The following CASS4 variants were observed in gnomAD, a reference collection of about 807,000 sequenced individuals.
CASS4 encodes Cas scaffold protein family member 4, also known as cas scaffolding protein family member 4.
Under a neutral mutation model 54.2 loss-of-function variants are expected in CASS4, and 22 were observed. The ratio of observed to expected loss-of-function variants is 0.41; its 90% CI spans 0.29 to 0.58. The LOEUF (loss-of-function observed/expected upper bound fraction) is 0.58, where lower values mean the gene tolerates loss of function less well. Among genes scored for constraint, CASS4 ranks in the 20% least tolerant of loss-of-function variants. CASS4 has a pLI of 0.36. For synonymous variants in CASS4, 409 were observed against 391.5 expected, an observed-to-expected ratio of 1.04 and a Z score of -0.53; for missense variants, 854 against 986.7, an observed-to-expected ratio of 0.87 and a Z score of 1.80.
At chr20:56,418,447 G>A (rs1358415345) in intron 1 of CASS4, among the ~76,000 whole-genome samples, 2 of 152,178 alleles carry the variant, frequency 1.3e-5, no homozygotes, top group African/African-American at 2.4e-5. Context: ...AATTGCAAAG[G>A]AAACCACCAG....
At position 56,452,484 on chromosome 20, in the gene CASS4, C is replaced by T. The variant is rs763814613; in HGVS notation, c.1308C>T (p.Asp436=). The T allele has an allele frequency of 1.9e-6, 3 of 1,613,644 alleles. No individual in the cohort carries two copies. In the African/African-American group the frequency reaches 4.0e-5, roughly 22 times the overall value. The change falls in exon 5 of 6, where the codon GAC becomes GAT. Residue 436 remains aspartate (D), a synonymous_variant. Transcript: ENST00000679887. ...AGTCAGCAAAGGAGCTCTCCTTGGA[C>T]CTGGATGTGGCCAAGGAGACAGTGA... ...SEESAKELSL[D]LDVAKETVMA...
chr20:56,421,448 G>C (rs997166437), intron 1 of CASS4, among the ~76,000 whole-genome samples: 1 of 152,190 alleles, frequency 6.6e-6, no homozygotes, highest in South Asian at 2.1e-4. Flanking sequence ...TGTAATCCCA[G>C]CACTTTGGGA....
chr20:56,449,427 G>C (rs951872685), intron 3 of CASS4, among the ~76,000 whole-genome samples: 1 of 151,264 alleles, frequency 6.6e-6, no homozygotes, highest in Non-Finnish European at 1.5e-5. Context: ...CTTGGACACA[G>C]GGTGGGGAAC....
intron 1 of CASS4, among the ~76,000 whole-genome samples, chr20:56,419,618 GT>G (rs1220746882): frequency 2.6e-5 from 4 of 151,776 alleles, no homozygotes; most frequent in East Asian, 1.9e-4. Flanking sequence ...GTAGAGGTGG[GT>G]TTTTTTTCAC....
chr20:56,427,073 A>G (rs754701454), intron 1 of CASS4, among the ~76,000 whole-genome samples: 18 of 150,348 alleles, frequency 1.2e-4, no homozygotes, highest in Non-Finnish European at 3.0e-5. Flanking sequence ...AGGCAGGAGG[A>G]TTGCTTAAGA....
chr20:56,460,334 A>G lies in CASS4; in HGVS notation c.*1587A>G, dbSNP rs878876339. Reference sequence around the variant, plus strand: ...GTAGACAGTAATGGCAAAAACCACAATTGCTTTTGCACCACCCTAATAATA... The same window carrying G: ...GTAGACAGTAATGGCAAAAACCACAGTTGCTTTTGCACCACCCTAATAATA... On this transcript the variant is annotated 3_prime_UTR_variant, in exon 6 of 6. Transcript: ENST00000679887. The G allele has an allele frequency of 6.6e-6, 1 of 152,004 alleles. No homozygotes were observed. Among genetic ancestry groups the G allele is most frequent in the Non-Finnish European group, 1.5e-5 (1 of 67,896 alleles). 9.4% of individuals were successfully genotyped at this position (152,004 alleles called of 1,614,324 possible).
intron 2 of CASS4, among the ~76,000 whole-genome samples, chr20:56,438,288 CAAA>C (rs11475169): frequency 2.8e-5 from 4 of 144,388 alleles, no homozygotes; most frequent in Non-Finnish European, 6.1e-5. Context: ...AACCTGTTTT[CAAA>C]AAAAAAAAAA....
At position 56,429,515 on chromosome 20, in the gene CASS4, C is replaced by T. The variant is rs145633216; in HGVS notation, c.37-7649C>T. On this transcript the variant is annotated intron_variant, in intron 1 of 5. Transcript: ENST00000679887. ...CCAGTAACCACCTATAAACAGCATC[C>T]GCTATGGAAATTAGGAGCCAGGGCC... 3.0e-3 allele frequency among the ~76,000 whole-genome samples: 459 copies of T among 152,268 alleles called. 3 individuals are homozygous for T. The highest frequency in any genetic ancestry group is 0.011 in the African/African-American group (437 of 41,532).
At chr20:56,419,538 C>T (rs1979314037) in intron 1 of CASS4, among the ~76,000 whole-genome samples, 1 of 152,074 alleles carries the variant, frequency 6.6e-6, no homozygotes. Context: ...GTGATCCTCC[C>T]ACCTCAGCCT....
upstream of CASS4, chr20:56,412,190 A>T (rs1292196784): frequency 4.1e-6 from 2 of 490,080 alleles, no homozygotes; most frequent in Admixed American, 7.2e-5. The surrounding 1 kb of genome is among the most constrained non-coding windows in gnomAD (Gnocchi z 4.2). Flanking sequence ...ACTTACAGAC[A>T]AAGTGAGACG....
rs140144032 is a variant in CASS4, at chr20:56,452,354, C to T, written c.1178C>T (p.Pro393Leu). The T allele has an allele frequency of 3.7e-6, 6 of 1,613,972 alleles. No homozygotes were observed. In the East Asian group the frequency reaches 1.3e-4, roughly 36 times the overall value. The change falls in exon 5 of 6, where the codon CCT becomes CTT. Residue 393 changes from proline (P) to leucine (L), a missense_variant. Pro to Leu is a moderately conservative substitution (Grantham distance 98, BLOSUM62 -3). Coordinates refer to ENST00000679887, the MANE Select transcript of CASS4 (RefSeq NM_020356.4). ...WFSRRTTSPS[P>L]EPDRLSGSSS... The stretch of plus-strand genomic sequence containing the variant: ...TCCAGACGGACAACTTCCCCATCTC[C>T]TGAACCGGACAGATTATCAGGTTCC...
At chr20:56,448,800 T>C (rs1051611805) in intron 3 of CASS4, among the ~76,000 whole-genome samples, 1 of 152,304 alleles carries the variant, frequency 6.6e-6, no homozygotes, top group East Asian at 1.9e-4. Flanking sequence ...ATGTCATATA[T>C]ATATCTCAAG....
Position 56,437,670 on chromosome 20 carries a change from C to A in CASS4, c.459+84C>A. 8.0e-7 allele frequency: 1 copy of A among 1,247,184 alleles called. No homozygotes were observed. Among genetic ancestry groups the A allele is most frequent in the Non-Finnish European group, 1.1e-6 (1 of 916,228 alleles). The allele number at this position is 1,247,184 out of a possible 1,614,324, so 77.3% of individuals were successfully genotyped here. ...TAACTACCTCTTGAGGCATGGGTGT[C>A]CTTCAGATCAAACACGCAAAACGGG... is the stretch of plus-strand genomic sequence containing the variant. On this transcript the variant is annotated intron_variant, in intron 2 of 5. Coordinates refer to ENST00000679887, the MANE Select transcript of CASS4 (RefSeq NM_020356.4). The surrounding 1 kb of genome is among the most constrained non-coding windows in gnomAD (Gnocchi z 4.7).
intron 1 of CASS4, among the ~76,000 whole-genome samples, chr20:56,415,698 C>T (rs765872102): frequency 2.0e-4 from 31 of 152,204 alleles, no homozygotes; most frequent in Non-Finnish European, 3.5e-4. Flanking sequence ...CCCTGCCTTT[C>T]ATTCAGGGCC....
chr20:56,455,207 G>A (rs1425890562), intron 5 of CASS4, among the ~76,000 whole-genome samples: 2 of 151,718 alleles, frequency 1.3e-5, no homozygotes. Flanking sequence ...GTCAATGACA[G>A]TAGTTTTCCA....
intron 1 of CASS4, among the ~76,000 whole-genome samples, chr20:56,433,386 G>C (rs551548074): frequency 6.6e-6 from 1 of 152,168 alleles, no homozygotes; most frequent in Non-Finnish European, 1.5e-5. Context: ...CACCCTGGAG[G>C]CCAGTGAGGA....
chr20:56,454,870 T>C (rs1981215020), intron 5 of CASS4, among the ~76,000 whole-genome samples: 1 of 152,226 alleles, frequency 6.6e-6, no homozygotes, highest in African/African-American at 2.4e-5. Flanking sequence ...TGTGATTCTT[T>C]GTCCTTTATT....
chr20:56,413,153 A>G (rs1004018812), intron 1 of CASS4, among the ~76,000 whole-genome samples: 9 of 151,542 alleles, frequency 5.9e-5, no homozygotes, highest in African/African-American at 1.9e-4. Context: ...CCTGGGCAAC[A>G]TAGCGAGACC....
chr20:56,412,255 G>A, upstream of CASS4: 1 of 594,676 alleles, frequency 1.7e-6, no homozygotes, highest in Non-Finnish European at 3.0e-6. The surrounding 1 kb of genome is among the most constrained non-coding windows in gnomAD (Gnocchi z 4.2). Flanking sequence ...CTGCTTCACT[G>A]CTTTCATTTT....
Sources: gnomAD v4.1 joint callset for allele counts (sites outside exome capture counted in the v4.1 genomes callset) on GRCh38, gnomAD v4.1.1 for gene constraint, Gnocchi (gnomAD v3.1) non-coding constraint, MANE v1.5 for transcripts, NCBI Gene and HGNC (gene_info 2026-07-23, HGNC 2026-07-21) for gene names.